Variants in MYO3A observed in about 807,000 individuals in gnomAD.
MYO3A encodes the protein myosin-IIIa.
Under a neutral mutation model 192.7 loss-of-function variants are expected in MYO3A, and 180 were observed. That is an observed-to-expected ratio of 0.93 (90% confidence interval 0.83 to 1.06). The LOEUF (loss-of-function observed/expected upper bound fraction) is 1.06. Ranked by LOEUF, MYO3A falls within the 50% of genes least tolerant of loss-of-function variation. The probability of loss-of-function intolerance (pLI) is 0.00; values close to 1 mark genes in which losing one functional copy is unlikely to be tolerated. For synonymous variants in MYO3A, 628 were observed against 645.3 expected (o/e 0.97, Z 0.41); for missense variants, 1,896 against 1,905.0 (o/e 1.00, Z 0.09).
intron 8 of MYO3A, 21 bp from the exon 9 acceptor site, chr10:26,024,001 C>T (rs1842431606): frequency 1.2e-6 from 2 of 1,601,758 alleles, no homozygotes; most frequent in Non-Finnish European, 8.6e-7. Context: ...CAGAATCCAA[C>T]ATTGATTCTT....
intron 14 of MYO3A, among the ~76,000 whole-genome samples, chr10:26,081,146 G>GC (rs907981671): frequency 2.8e-5 from 2 of 70,754 alleles, no homozygotes; most frequent in African/African-American, 1.0e-4. Flanking sequence ...CCCCCCCCCC[G>GC]CCCCCGCTAC....
At chr10:25,940,331 T>G (rs1836402748) in intron 2 of MYO3A, among the ~76,000 whole-genome samples, 1 of 152,074 alleles carries the variant, frequency 6.6e-6, no homozygotes, top group Non-Finnish European at 1.5e-5. Context: ...TTGGAGACTA[T>G]ACATGGTAAT....
intron 4 of MYO3A, among the ~76,000 whole-genome samples, chr10:25,971,050 T>C (rs979129236): frequency 1.3e-5 from 2 of 152,138 alleles, no homozygotes; most frequent in East Asian, 3.8e-4. Context: ...TCCCTTTTCA[T>C]TTTCATTCTG....
intron 4 of MYO3A, among the ~76,000 whole-genome samples, chr10:25,956,495 A>ATTTTTTTTTTTTTTTTTTTTTTTTTT (rs562368305): frequency 2.3e-5 from 3 of 128,846 alleles, no homozygotes; most frequent in Non-Finnish European, 3.3e-5. Context: ...GCCCAGCTAA[A>ATTTTTTTTTTTTTTTTTTTTTTTTTT]TTTTTTTTTT....
At chr10:26,180,949 GA>G (rs1842593487) in intron 31 of MYO3A, among the ~76,000 whole-genome samples, 3 of 151,892 alleles carry the variant, frequency 2.0e-5, no homozygotes, top group South Asian at 4.2e-4. Flanking sequence ...AAATTTCAGA[GA>G]AAAAAAGAAT....
chr10:26,152,645 C>G (rs1232727402), intron 23 of MYO3A, among the ~76,000 whole-genome samples: 1 of 152,164 alleles, frequency 6.6e-6, no homozygotes. Flanking sequence ...AAGGTCTATG[C>G]TAATTTTAGT....
intron 7 of MYO3A, among the ~76,000 whole-genome samples, chr10:26,017,659 TTTAA>T (rs1588787070): frequency 6.6e-6 from 1 of 151,962 alleles, no homozygotes; most frequent in African/African-American, 2.4e-5. Context: ...TGAATACTTG[TTTAA>T]TTATTACTTG....
At chr10:25,975,083 A>G (rs1260605796) in intron 4 of MYO3A, among the ~76,000 whole-genome samples, 3 of 152,216 alleles carry the variant, frequency 2.0e-5, no homozygotes, top group Admixed American at 6.5e-5. Context: ...GAGTTGGCTA[A>G]GTATACATAT....
At chr10:26,004,505 A>T (rs1841057048) in intron 6 of MYO3A, among the ~76,000 whole-genome samples, 1 of 152,024 alleles carries the variant, frequency 6.6e-6, no homozygotes, top group African/African-American at 2.4e-5. Flanking sequence ...TGTACATATT[A>T]CCTAGCTAAT....
At chr10:25,962,736 C>T (rs1366351003) in intron 4 of MYO3A, among the ~76,000 whole-genome samples, 1 of 152,142 alleles carries the variant, frequency 6.6e-6, no homozygotes, top group African/African-American at 2.4e-5. Flanking sequence ...AAGATGAGGA[C>T]TCGGGTAGGA....
intron 4 of MYO3A, among the ~76,000 whole-genome samples, chr10:25,971,643 T>C (rs866391266): frequency 2.2e-4 from 34 of 152,324 alleles, no homozygotes; most frequent in African/African-American, 7.2e-4. Flanking sequence ...TATTTTTTCC[T>C]TTAGCACCTT....
intron 14 of MYO3A, among the ~76,000 whole-genome samples, chr10:26,084,999 G>A (rs1411105197): frequency 1.3e-5 from 2 of 152,074 alleles, no homozygotes; most frequent in East Asian, 3.9e-4. Context: ...TTGGTAGGTT[G>A]TATTTTTCTA....
chr10:25,959,144 T>G (rs773117331), intron 4 of MYO3A, among the ~76,000 whole-genome samples: 1 of 152,166 alleles, frequency 6.6e-6, no homozygotes, highest in Non-Finnish European at 1.5e-5. Context: ...TCTTCCTATT[T>G]GGATGCCCTT....
intron 7 of MYO3A, among the ~76,000 whole-genome samples, chr10:26,020,570 A>G (rs1315434231): frequency 6.6e-6 from 1 of 152,142 alleles, no homozygotes; most frequent in African/African-American, 2.4e-5. Context: ...ACAATTCTAC[A>G]TCTGCCATCA....
chr10:26,097,824 G>A (rs1837148833), intron 17 of MYO3A, among the ~76,000 whole-genome samples: 1 of 152,096 alleles, frequency 6.6e-6, no homozygotes. Flanking sequence ...CTTTGCTATT[G>A]TGAATAGTGC....
chr10:26,008,012 G>A (rs1056231299), intron 6 of MYO3A, among the ~76,000 whole-genome samples: 83 of 151,364 alleles, frequency 5.5e-4, no homozygotes, highest in African/African-American at 1.9e-3. Flanking sequence ...CGAAAACAGC[G>A]TGGTACTGGT....
intron 34 of MYO3A, among the ~76,000 whole-genome samples, chr10:26,208,073 T>A (rs1232107630): frequency 6.6e-6 from 1 of 152,150 alleles, no homozygotes; most frequent in Non-Finnish European, 1.5e-5. Context: ...GATAGTTCAT[T>A]GTTCTCATGG....
chr10:25,991,656 T>G (rs1006607360), intron 4 of MYO3A, among the ~76,000 whole-genome samples: 2 of 152,242 alleles, frequency 1.3e-5, no homozygotes, highest in African/African-American at 4.8e-5. Flanking sequence ...GGTCTAACAT[T>G]TAAGTCTTTA....
chr10:26,011,726 G>A (rs1841675134), intron 6 of MYO3A, among the ~76,000 whole-genome samples: 1 of 152,096 alleles, frequency 6.6e-6, no homozygotes, highest in African/African-American at 2.4e-5. Context: ...TATTCCAAAA[G>A]ACTGAGAAAG....
Sources: allele counts gnomAD v4.1 joint callset (sites outside exome capture counted in the v4.1 genomes callset), GRCh38; gene constraint gnomAD v4.1.1; transcripts MANE v1.5; gene names NCBI Gene and HGNC (gene_info 2026-07-23, HGNC 2026-07-21).